Variants in VTI1A observed in about 807,000 individuals in gnomAD.
The protein encoded by VTI1A is vesicle transport through interaction with t-SNAREs homolog 1A.
VTI1A carries 22 observed loss-of-function variants against 34.9 expected under a neutral mutation model. That is an observed-to-expected ratio of 0.63 (90% CI 0.45 to 0.90). The LOEUF (loss-of-function observed/expected upper bound fraction) is 0.90, where lower values mean the gene tolerates loss of function less well. VTI1A is among the 40% of genes least tolerant of loss of function. The pLI, the probability that VTI1A is intolerant of heterozygous loss-of-function variation, is 0.00. For synonymous variants in VTI1A, 87 were observed against 97.3 expected (o/e 0.89, Z 0.62); for missense variants, 268 against 275.6 (o/e 0.97, Z 0.20).
the VTI1A span, among the ~76,000 whole-genome samples, chr10:112,841,877 G>A: frequency 6.6e-6 from 1 of 152,068 alleles, no homozygotes; most frequent in Non-Finnish European, 1.5e-5. Flanking sequence ...TCCCGTCTCT[G>A]CTAAACCAGT....
At chr10:112,790,442 C>T (rs758774966) in intron 7 of VTI1A, among the ~76,000 whole-genome samples, 12 of 152,222 alleles carry the variant, frequency 7.9e-5, no homozygotes, top group South Asian at 2.1e-4. Flanking sequence ...TCCAGGATCT[C>T]CCCATCACAT....
At chr10:112,711,455 A>G (rs1261811815) in intron 7 of VTI1A, among the ~76,000 whole-genome samples, 2 of 152,232 alleles carry the variant, frequency 1.3e-5, no homozygotes, top group Non-Finnish European at 2.9e-5. Flanking sequence ...AATGAAAAGC[A>G]TTCCTACTAC....
chr10:112,685,095 G>A (rs908874961), intron 7 of VTI1A, among the ~76,000 whole-genome samples: 4 of 152,144 alleles, frequency 2.6e-5, no homozygotes, highest in African/African-American at 9.7e-5. Flanking sequence ...TAAATCTTTG[G>A]AATTGAACAG....
intron 3 of VTI1A, among the ~76,000 whole-genome samples, chr10:112,500,419 CAG>C (rs969165585): frequency 6.7e-6 from 1 of 149,670 alleles, no homozygotes; most frequent in African/African-American, 2.5e-5. Flanking sequence ...AGCCTGGCGA[CAG>C]ACTCCATCTC....
chr10:112,578,399 T>C (rs142713976), intron 5 of VTI1A, among the ~76,000 whole-genome samples: 3 of 152,176 alleles, frequency 2.0e-5, no homozygotes, highest in Non-Finnish European at 2.9e-5. Flanking sequence ...TATATATTGA[T>C]TGAGTAAACA....
At chr10:112,792,303 T>C (rs1852509474) in intron 7 of VTI1A, among the ~76,000 whole-genome samples, 1 of 152,068 alleles carries the variant, frequency 6.6e-6, no homozygotes, top group Non-Finnish European at 1.5e-5. Flanking sequence ...ACCTGTAGAC[T>C]CTTAGTGTTA....
chr10:112,630,899 A>G (rs893807424), intron 5 of VTI1A, among the ~76,000 whole-genome samples: 2 of 152,178 alleles, frequency 1.3e-5, no homozygotes, highest in African/African-American at 4.8e-5. Context: ...AGGGGGGCGG[A>G]TCACCTGAGG....
At chr10:112,538,080 T>C (rs1339163252) in intron 4 of VTI1A, among the ~76,000 whole-genome samples, 166 bp from the exon 5 acceptor site, 3 of 152,160 alleles carry the variant, frequency 2.0e-5, no homozygotes, top group African/African-American at 4.8e-5. Context: ...GAAATCTGTC[T>C]ATGGTAGTGG....
chr10:112,581,833 T>A (rs1843955217), intron 5 of VTI1A, among the ~76,000 whole-genome samples: 1 of 152,224 alleles, frequency 6.6e-6, no homozygotes, highest in African/African-American at 2.4e-5. Flanking sequence ...TTTAGGTTGA[T>A]AGTATCACAA....
chr10:112,839,452 A>G, the VTI1A span, among the ~76,000 whole-genome samples: 1 of 151,808 alleles, frequency 6.6e-6, no homozygotes, highest in Non-Finnish European at 1.5e-5. Context: ...GGCTGGAGGC[A>G]GGAAGGAGGC....
intron 5 of VTI1A, among the ~76,000 whole-genome samples, chr10:112,592,264 T>A (rs1043327127): frequency 2.6e-4 from 39 of 152,178 alleles, no homozygotes; most frequent in African/African-American, 8.7e-4. Context: ...ACCAGACTTC[T>A]CACCTAAAGA....
At chr10:112,598,041 A>G (rs1392894600) in intron 5 of VTI1A, among the ~76,000 whole-genome samples, 1 of 152,112 alleles carries the variant, frequency 6.6e-6, no homozygotes, top group Non-Finnish European at 1.5e-5. Flanking sequence ...GAAACAACCT[A>G]TGAGGGATAC....
chr10:112,799,325 C>T (rs536813503), intron 7 of VTI1A, among the ~76,000 whole-genome samples: 5 of 152,304 alleles, frequency 3.3e-5, no homozygotes, highest in East Asian at 1.9e-4. Flanking sequence ...GAGTCTACCC[C>T]ACAGATGTGC....
chr10:112,627,404 G>A (rs10749123), intron 5 of VTI1A, among the ~76,000 whole-genome samples: 120,187 of 152,158 alleles, frequency 0.79, 48,439 homozygotes, highest in African/African-American at 0.93. Flanking sequence ...TTATATGACA[G>A]TTTTTAAAAT....
At chr10:112,622,240 C>T (rs1370266044) in intron 5 of VTI1A, among the ~76,000 whole-genome samples, 1 of 152,036 alleles carries the variant, frequency 6.6e-6, no homozygotes, top group Non-Finnish European at 1.5e-5. Context: ...TCCCTGTGCC[C>T]CTGAAAGGGG....
intron 3 of VTI1A, chr10:112,485,052 G>C (rs1848573722): frequency 6.6e-6 from 1 of 151,890 alleles, no homozygotes; most frequent in Non-Finnish European, 1.5e-5. Context: ...AGGCCGAGGT[G>C]GGTGGATCAC....
chr10:112,483,241 A>G (rs557740927), intron 3 of VTI1A, among the ~76,000 whole-genome samples: 29 of 152,204 alleles, frequency 1.9e-4, no homozygotes, highest in African/African-American at 7.0e-4. Flanking sequence ...TTACATTTAA[A>G]TTTGCCTAAA....
the VTI1A span, among the ~76,000 whole-genome samples, chr10:112,839,816 G>C: frequency 6.6e-6 from 1 of 152,194 alleles, no homozygotes; most frequent in Non-Finnish European, 1.5e-5. Context: ...CTACCATCCT[G>C]CTGTCAATGG....
chr10:112,780,955 T>G (rs1453810656), intron 7 of VTI1A, among the ~76,000 whole-genome samples: 2 of 152,108 alleles, frequency 1.3e-5, no homozygotes, highest in Admixed American at 1.3e-4. Context: ...TAGCGCATTC[T>G]TCAGAATATA....
Sources: gnomAD v4.1 joint callset for allele counts (sites outside exome capture counted in the v4.1 genomes callset) on GRCh38, gnomAD v4.1.1 for gene constraint, MANE v1.5 for transcripts, NCBI Gene and HGNC (gene_info 2026-07-23, HGNC 2026-07-21) for gene names.